NRG1: variants seen among roughly 807,000 people sequenced by gnomAD.
NRG1 encodes pro-neuregulin-1, membrane-bound isoform.
In NRG1, 18 loss-of-function variants were observed where a neutral mutation model predicts 63.8. The ratio of observed to expected loss-of-function variants is 0.28; its 90% CI spans 0.19 to 0.42. NRG1 has a LOEUF of 0.42. Among genes scored for constraint, NRG1 ranks in the 10% least tolerant of loss-of-function variants. The probability of loss-of-function intolerance (pLI) is 1.00; values close to 1 mark genes in which losing one functional copy is unlikely to be tolerated. For missense variants in NRG1, 762 were observed against 814.7 expected, an observed-to-expected ratio of 0.94 and a Z score of 0.79; for synonymous variants, 302 against 301.3, an observed-to-expected ratio of 1.00 and a Z score of -0.02.
intron 5 of NRG1, among the ~76,000 whole-genome samples, chr8:32,654,279 A>G (rs889512690): frequency 5.3e-5 from 8 of 152,206 alleles, no homozygotes; most frequent in African/African-American, 1.7e-4. Context: ...CCCATTTATT[A>G]TTTAAATACT....
intron 1 of NRG1, among the ~76,000 whole-genome samples, chr8:31,770,415 G>A (rs1818493085): frequency 6.6e-6 from 1 of 152,078 alleles, no homozygotes; most frequent in Non-Finnish European, 1.5e-5. Flanking sequence ...AGTGGAGGAG[G>A]AGTGGAGTTA....
At chr8:32,288,401 G>A (rs956282172) in intron 1 of NRG1, among the ~76,000 whole-genome samples, 2 of 152,106 alleles carry the variant, frequency 1.3e-5, no homozygotes, top group Non-Finnish European at 2.9e-5. Context: ...TTGTACCTTA[G>A]GAAATATAAA....
chr8:32,568,244 G>A (rs939846144), intron 1 of NRG1, among the ~76,000 whole-genome samples: 13 of 152,094 alleles, frequency 8.5e-5, no homozygotes, highest in African/African-American at 2.9e-4. Context: ...CGAAGTGCTC[G>A]TTTCAATATT....
chr8:31,885,194 T>C (rs983697001), intron 1 of NRG1, among the ~76,000 whole-genome samples: 2 of 152,076 alleles, frequency 1.3e-5, no homozygotes, highest in Non-Finnish European at 2.9e-5. Flanking sequence ...TGCTATAAAA[T>C]TGTACATTTA....
intron 1 of NRG1, among the ~76,000 whole-genome samples, chr8:31,791,191 G>A (rs1438323046): frequency 1.4e-5 from 2 of 145,250 alleles, no homozygotes; most frequent in Non-Finnish European, 1.5e-5. Flanking sequence ...CTGGGTGGGA[G>A]AGTGAAACTG....
chr8:32,104,590 A>G (rs561919374), intron 1 of NRG1, among the ~76,000 whole-genome samples: 1 of 152,320 alleles, frequency 6.6e-6, no homozygotes, highest in South Asian at 2.1e-4. Flanking sequence ...CTTTTTCAAT[A>G]ATAGCTTGAA....
At chr8:32,571,162 C>A (rs1262790208) in intron 1 of NRG1, among the ~76,000 whole-genome samples, 2 of 152,108 alleles carry the variant, frequency 1.3e-5, no homozygotes, top group African/African-American at 4.8e-5. Flanking sequence ...ACAATAAAGA[C>A]AGTGCTCCAA....
At chr8:32,511,367 G>GTATGTA (rs1790880922) in intron 1 of NRG1, among the ~76,000 whole-genome samples, 1 of 122,078 alleles carries the variant, frequency 8.2e-6, no homozygotes, top group Non-Finnish European at 1.7e-5. Context: ...ATATATATGT[G>GTATGTA]TATATATATA....
chr8:32,581,493 CATT>C (rs1840623610), intron 1 of NRG1, among the ~76,000 whole-genome samples: 1 of 152,154 alleles, frequency 6.6e-6, no homozygotes. Flanking sequence ...ATTCAGTCAA[CATT>C]ATTGAGCACT....
intron 1 of NRG1, among the ~76,000 whole-genome samples, chr8:32,076,242 T>A (rs1471389): frequency 0.97 from 148,020 of 152,312 alleles, 72,068 homozygotes; most frequent in East Asian, 1. Flanking sequence ...GGATCTGAAC[T>A]GTTAGTAACA....
chr8:32,588,360 TAAAG>T (rs1376632435), intron 1 of NRG1, among the ~76,000 whole-genome samples: 20 of 152,294 alleles, frequency 1.3e-4, no homozygotes, highest in Non-Finnish European at 4.4e-5. Flanking sequence ...TCAAATATCT[TAAAG>T]AATCATACTG....
chr8:31,950,002 C>G (rs771699636), intron 1 of NRG1, among the ~76,000 whole-genome samples: 1 of 152,190 alleles, frequency 6.6e-6, no homozygotes, highest in Non-Finnish European at 1.5e-5. Context: ...TCCCACCGTT[C>G]CAGATTTTCC....
At chr8:32,041,514 T>C (rs1400008358) in intron 1 of NRG1, among the ~76,000 whole-genome samples, 1 of 152,214 alleles carries the variant, frequency 6.6e-6, no homozygotes, top group Non-Finnish European at 1.5e-5. Flanking sequence ...GTTTATCCTC[T>C]GGAGGAACCC....
At chr8:31,891,824 G>A (rs1831166473) in intron 1 of NRG1, among the ~76,000 whole-genome samples, 1 of 152,096 alleles carries the variant, frequency 6.6e-6, no homozygotes. Flanking sequence ...AAATAGAACA[G>A]GCATGCAATG....
At chr8:31,871,447 C>A (rs527736238) in intron 1 of NRG1, among the ~76,000 whole-genome samples, 1 of 151,966 alleles carries the variant, frequency 6.6e-6, no homozygotes, top group South Asian at 2.1e-4. Flanking sequence ...CTAAATCGCT[C>A]CATGCAAGGG....
rs1805111642 is a variant in NRG1, at chr8:31,653,494, C to T, written c.37+14063C>T. Among the ~76,000 whole-genome samples the T allele has an allele frequency of 5.9e-5, 9 of 152,300 alleles. No homozygotes were observed. In the South Asian group the frequency reaches 1.9e-3, roughly 32 times the overall value. On this transcript the variant is annotated intron_variant, in intron 1 of 10. Transcript: ENST00000519301. ...AACACCGAGGCATAGCCAAACCTCA[C>T]CTCCAGACCAAATTGGCTGAAATAG... is the stretch of plus-strand genomic sequence containing the variant.
At position 32,625,889 on chromosome 8, in the gene NRG1, G is replaced by T. The variant is rs531913491; in HGVS notation, c.502+9004G>T. On this transcript the variant is annotated intron_variant, in intron 5 of 11. Coordinates refer to ENST00000356819, the Ensembl canonical transcript of NRG1. ...GCTCACTGCAACCTCGGCCTCCCGG[G>T]TTCAAGCGATTCTTTTGCCTCAGCT... is the stretch of plus-strand genomic sequence containing the variant. 3.2e-4 allele frequency among the ~76,000 whole-genome samples: 48 copies of T among 151,354 alleles called. No individual in the cohort carries two copies. The South Asian group carries it at 9.6e-3, about 30-fold the overall frequency.
intron 1 of NRG1, among the ~76,000 whole-genome samples, chr8:31,818,853 C>G (rs970046344): frequency 2.6e-5 from 4 of 152,020 alleles, no homozygotes; most frequent in Non-Finnish European, 4.4e-5. Flanking sequence ...GTCAGGATAT[C>G]GAGACCATCC....
At chr8:32,560,178 TTTTA>T (rs1241849318) in intron 1 of NRG1, among the ~76,000 whole-genome samples, 2 of 151,712 alleles carry the variant, frequency 1.3e-5, no homozygotes, top group Admixed American at 6.6e-5. Flanking sequence ...CTTTAAATTA[TTTTA>T]TTTATCTGAG....
Sources: gnomAD v4.1 joint callset for allele counts (sites outside exome capture counted in the v4.1 genomes callset) on GRCh38, gnomAD v4.1.1 for gene constraint, MANE v1.5 for transcripts, NCBI Gene and HGNC (gene_info 2026-07-23, HGNC 2026-07-21) for gene names.